The following CDH8 variants were observed in gnomAD, a reference collection of about 807,000 sequenced individuals.
The protein encoded by CDH8 is cadherin-8.
CDH8 carries 17 observed loss-of-function variants against 68.1 expected under a neutral mutation model. The ratio of observed to expected loss-of-function variants is 0.25; its 90% CI spans 0.17 to 0.37. The LOEUF is 0.37. CDH8 is among the 10% of genes least tolerant of loss of function. CDH8 has a pLI of 1.00. For synonymous variants in CDH8, 372 were observed against 365.1 expected (o/e 1.02, Z -0.21); for missense variants, 763 against 999.3 (o/e 0.76, Z 3.19).
At position 61,992,300 on chromosome 16, in the gene CDH8, A is replaced by G. The variant is rs192841228; in HGVS notation, c.252+28852T>C. On this transcript the variant is annotated intron_variant, in intron 2 of 11. Coordinates refer to ENST00000577390, the MANE Select transcript of CDH8 (RefSeq NM_001796.5). ...GTTCATGTCCTTTGTAGGGACATGG[A>G]TGAAATTGGAAATCATCATTCTCAG... Among the ~76,000 whole-genome samples the G allele has an allele frequency of 1.3e-4, 20 of 151,830 alleles. No homozygotes were observed. In the East Asian group the frequency reaches 2.9e-3, roughly 22 times the overall value.
chr16:61,853,056 G>A (rs1046201452), intron 4 of CDH8, among the ~76,000 whole-genome samples: 6 of 152,024 alleles, frequency 3.9e-5, no homozygotes, highest in Non-Finnish European at 7.4e-5. Context: ...TTGCACTCTA[G>A]CATGGTAATT....
At chr16:61,965,137 A>C (rs976707312) in intron 2 of CDH8, among the ~76,000 whole-genome samples, 5 of 152,188 alleles carry the variant, frequency 3.3e-5, no homozygotes, top group African/African-American at 1.2e-4. Flanking sequence ...AAGAAACAGC[A>C]TGTGAAAATC....
In CDH8 at chr16:61,657,057, T is replaced by G. The variant is rs891839640; in HGVS notation, c.1655-1336A>C. Among the ~76,000 whole-genome samples, 8 of 24,722 alleles carry G rather than the reference T, an allele frequency of 3.2e-4. No homozygotes were observed. In the East Asian group the frequency reaches 3.9e-3, roughly 12 times the overall value. The allele number at this position is 24,722 out of a possible 152,430, so 16.2% of individuals were successfully genotyped here. ...GTTATTTGGGCAAAATAATTATTTG[T>G]TTTTTTTTTTTCAAATATTGGCCAA... On this transcript the variant is annotated intron_variant, in intron 10 of 11. Transcript: ENST00000577390.
chr16:61,893,785 A>G (rs954900479), intron 3 of CDH8, among the ~76,000 whole-genome samples: 1 of 152,208 alleles, frequency 6.6e-6, no homozygotes, highest in African/African-American at 2.4e-5. Context: ...TCAACCTGTT[A>G]TAATTCATTA....
intron 6 of CDH8, among the ~76,000 whole-genome samples, chr16:61,818,784 T>A (rs1248142143): frequency 6.6e-6 from 1 of 152,110 alleles, no homozygotes; most frequent in Non-Finnish European, 1.5e-5. Context: ...GAACTTTAAA[T>A]AGGCAATGAA....
At chr16:61,666,669 T>G (rs944342237) in intron 10 of CDH8, among the ~76,000 whole-genome samples, 5 of 152,018 alleles carry the variant, frequency 3.3e-5, no homozygotes, top group Non-Finnish European at 5.9e-5. Context: ...ACATTTGACT[T>G]GCAAATTTAT....
At chr16:61,956,537 T>A (rs551589298) in intron 2 of CDH8, among the ~76,000 whole-genome samples, 45 of 152,318 alleles carry the variant, frequency 3.0e-4, no homozygotes, top group Non-Finnish European at 5.3e-4. Flanking sequence ...TTCTGTTTTA[T>A]GAGGGCAAAT....
At chr16:62,001,362 A>G (rs1965892052) in intron 2 of CDH8, among the ~76,000 whole-genome samples, 1 of 152,176 alleles carries the variant, frequency 6.6e-6, no homozygotes, top group African/African-American at 2.4e-5. Flanking sequence ...AGTCCTAAGA[A>G]TAATTTAAGC....
At chr16:61,983,303 G>A (rs1265506393) in intron 2 of CDH8, among the ~76,000 whole-genome samples, 1 of 152,150 alleles carries the variant, frequency 6.6e-6, no homozygotes. Context: ...TTTCGCCAAA[G>A]AATGGCAAGG....
In CDH8 at chr16:61,789,346, T is replaced by C; in HGVS notation, c.1414A>G (p.Arg472Gly). 6.2e-7 allele frequency: 1 copy of C among 1,608,844 alleles called. No homozygotes were observed. The highest frequency in any genetic ancestry group is 8.5e-7 in the Non-Finnish European group (1 of 1,177,590). ...GAAATGAACAAATCCAGGCACTTAC[T>C]AATTTCAGTAGCAATGATTGTTATG... ...HNITIIATEI[R>G]NHSQISRVPV... Residue 472 changes from arginine (R) to glycine (G), a missense_variant and splice_region_variant, in exon 8 of 12, where the codon AGG becomes GGG. Physicochemically the swap from Arg to Gly is moderately radical, Grantham distance 125. Coordinates refer to ENST00000577390, the MANE Select transcript of CDH8 (RefSeq NM_001796.5).
intron 7 of CDH8, among the ~76,000 whole-genome samples, chr16:61,794,026 T>A (rs1237220488): frequency 6.6e-6 from 1 of 152,076 alleles, no homozygotes; most frequent in Non-Finnish European, 1.5e-5. Flanking sequence ...CTTAGACACC[T>A]AAATATTAAA....
chr16:61,842,075 T>TTA (rs1962696749), intron 4 of CDH8, among the ~76,000 whole-genome samples: 3 of 142,802 alleles, frequency 2.1e-5, no homozygotes, highest in African/African-American at 2.7e-5. Flanking sequence ...TTTTTTTGTA[T>TTA]TTTTTGTATT....
In CDH8 at chr16:61,795,707, G is replaced by A. The variant is rs560914320; in HGVS notation, c.1278-6225C>T. On this transcript the variant is annotated intron_variant, in intron 7 of 11. Coordinates refer to ENST00000577390, the MANE Select transcript of CDH8 (RefSeq NM_001796.5). ...ACTAGTCACATGTTTTAGTAGCTTCGGGAAAGACAGAATTCTTTATGTGAC... is the reference window on the plus strand; with the variant it reads ...ACTAGTCACATGTTTTAGTAGCTTCAGGAAAGACAGAATTCTTTATGTGAC... Among the ~76,000 whole-genome samples the A allele has an allele frequency of 1.4e-4, 22 of 152,104 alleles. No homozygotes were observed. The South Asian group carries it at 2.1e-3, about 14-fold the overall frequency.
At chr16:61,706,452 C>T (rs1212507480) in intron 10 of CDH8, among the ~76,000 whole-genome samples, 2 of 151,640 alleles carry the variant, frequency 1.3e-5, no homozygotes, top group East Asian at 2.0e-4. Flanking sequence ...CTCGTCTCTA[C>T]TAAAAATGCA....
chr16:61,695,188 C>T (rs1468568045), intron 10 of CDH8, among the ~76,000 whole-genome samples: 1 of 151,992 alleles, frequency 6.6e-6, no homozygotes, highest in Non-Finnish European at 1.5e-5. Context: ...CAAAGATTGA[C>T]TTTGACTGAG....
chr16:61,843,830 G>C (rs567898798), intron 4 of CDH8, among the ~76,000 whole-genome samples: 108 of 152,162 alleles, frequency 7.1e-4, no homozygotes, highest in African/African-American at 2.1e-3. Context: ...AATGGTTGAA[G>C]TAGTTTACAG....
chr16:61,889,742 A>G (rs1240902225), intron 3 of CDH8, among the ~76,000 whole-genome samples: 1 of 152,212 alleles, frequency 6.6e-6, no homozygotes, highest in East Asian at 1.9e-4. Context: ...CTAGACACAC[A>G]TGTGGCTTGA....
chr16:61,921,248 G>GTAT (rs1172245642), intron 2 of CDH8, among the ~76,000 whole-genome samples: 5 of 143,716 alleles, frequency 3.5e-5, no homozygotes, highest in African/African-American at 1.3e-4. Context: ...AAAACTTAAA[G>GTAT]TATAATAATA....
At chr16:61,968,001 G>C (rs1219466830) in intron 2 of CDH8, among the ~76,000 whole-genome samples, 3 of 152,040 alleles carry the variant, frequency 2.0e-5, no homozygotes, top group Admixed American at 6.5e-5. Context: ...GTGGAGACAG[G>C]GTTTCACCCT....
Sources: allele counts gnomAD v4.1 joint callset (sites outside exome capture counted in the v4.1 genomes callset), GRCh38; gene constraint gnomAD v4.1.1; transcripts MANE v1.5; gene names NCBI Gene and HGNC (gene_info 2026-07-23, HGNC 2026-07-21).